LRP2: variants seen among roughly 807,000 people sequenced by gnomAD.
The protein encoded by LRP2 is LDL receptor related protein 2.
In LRP2, 172 loss-of-function variants were observed where a neutral mutation model predicts 531.0. The observed-to-expected ratio is 0.32, with a 90% CI of 0.29 to 0.37. The LOEUF is 0.37. Among genes scored for constraint, LRP2 ranks in the 10% least tolerant of loss-of-function variants. The pLI, the probability that LRP2 is intolerant of heterozygous loss-of-function variation, is 1.00. For missense variants in LRP2, 5,167 were observed against 5,868.3 expected (o/e 0.88, Z 3.90); for synonymous variants, 1,992 against 2,027.6 (o/e 0.98, Z 0.47).
intron 29 of LRP2, among the ~76,000 whole-genome samples, chr2:169,235,400 G>A (rs776127325): frequency 6.6e-6 from 1 of 151,858 alleles, no homozygotes; most frequent in Non-Finnish European, 1.5e-5. Flanking sequence ...CTACCACACT[G>A]GCTAATTTTT....
intron 33 of LRP2, among the ~76,000 whole-genome samples, chr2:169,221,847 A>G (rs1031842088): frequency 1.3e-5 from 2 of 151,764 alleles, no homozygotes; most frequent in Non-Finnish European, 2.9e-5. Context: ...TCCTTTTCCT[A>G]AGACTAAGGA....
intron 1 of LRP2, among the ~76,000 whole-genome samples, chr2:169,361,358 C>A (rs1686150621): frequency 7.8e-6 from 1 of 127,522 alleles, no homozygotes; most frequent in African/African-American, 3.2e-5. Context: ...CTGTCTCTCT[C>A]TCTCTCTCTC....
intron 16 of LRP2, among the ~76,000 whole-genome samples, chr2:169,262,204 T>C (rs1690585845): frequency 6.8e-6 from 1 of 147,670 alleles, no homozygotes. Context: ...ATGCCCTCTC[T>C]CACCACTCCT....
chr2:169,255,865 T>C (rs1006153944), intron 19 of LRP2, among the ~76,000 whole-genome samples: 1 of 152,172 alleles, frequency 6.6e-6, no homozygotes, highest in Admixed American at 6.6e-5. Flanking sequence ...TACAAAGTGC[T>C]GTACCCATAT....
chr2:169,200,885 A>T (rs988729325), intron 44 of LRP2, among the ~76,000 whole-genome samples: 3 of 152,218 alleles, frequency 2.0e-5, no homozygotes, highest in African/African-American at 7.2e-5. Flanking sequence ...TGGGAGCTTC[A>T]TAAGAGATGA....
At chr2:169,215,431 T>C (rs1343094992) in intron 35 of LRP2, among the ~76,000 whole-genome samples, 1 of 152,156 alleles carries the variant, frequency 6.6e-6, no homozygotes, top group Non-Finnish European at 1.5e-5. Context: ...CGAGACTTTA[T>C]AGTTTCTGCT....
intron 31 of LRP2, among the ~76,000 whole-genome samples, chr2:169,228,897 G>A (rs1476276702): frequency 6.6e-6 from 1 of 152,196 alleles, no homozygotes; most frequent in Admixed American, 6.5e-5. Context: ...GCAAAAAGAA[G>A]TGACTTCACA....
At chr2:169,190,187 C>CA (rs1449915327) in intron 48 of LRP2, among the ~76,000 whole-genome samples, 1 of 152,170 alleles carries the variant, frequency 6.6e-6, no homozygotes, top group Non-Finnish European at 1.5e-5. Flanking sequence ...AAAATATAGA[C>CA]AAAGATTTAT....
rs1434079904 is a variant in LRP2, at chr2:169,280,439, C to T, written c.1252G>A (p.Val418Met). The change falls in exon 11 of 79, where the codon GTG becomes ATG. Residue 418 changes from valine to methionine, a missense_variant. Coordinates refer to ENST00000649046, the MANE Select transcript of LRP2 (RefSeq NM_004525.3). ...DIHGRSFRIL[V>M]ESQNRGVAVG... ...GCCACTCCACGATTCTGAGACTCCACTAGGATCCGGAAGCTCCTTCCATGA... is the reference window on the plus strand; with the variant it reads ...GCCACTCCACGATTCTGAGACTCCATTAGGATCCGGAAGCTCCTTCCATGA... 1.2e-6 allele frequency: 2 copies of T among 1,614,200 alleles called. No individual in the cohort carries two copies. Among genetic ancestry groups the T allele is most frequent in the South Asian group, 2.2e-5 (2 of 91,084 alleles).
chr2:169,225,996 G>A (rs186699412), intron 32 of LRP2, among the ~76,000 whole-genome samples: 1 of 152,284 alleles, frequency 6.6e-6, no homozygotes, highest in East Asian at 1.9e-4. Context: ...AATTCCCTTA[G>A]GGAGCTACTA....
At position 169,270,972 on chromosome 2, in the gene LRP2, T is replaced by C; in HGVS notation, c.2252A>G (p.Gln751Arg). 6.2e-7 allele frequency: 1 copy of C among 1,613,340 alleles called. No homozygotes were observed. The highest frequency in any genetic ancestry group is 8.5e-7 in the Non-Finnish European group (1 of 1,179,650). Reference sequence around the variant, plus strand: ...ATCTGAAAAAAAGATAGTGCTGTCCTGGGCGTCAAAATCAATCCCGACAAA... The same window carrying C: ...ATCTGAAAAAAAGATAGTGCTGTCCCGGGCGTCAAAATCAATCCCGACAAA... The part of the protein sequence containing the change: ...SFFVGIDFDA[Q>R]DSTIFFSDMS... Residue 751 changes from glutamine (Q) to arginine (R), a missense_variant, in exon 16 of 79, where the codon CAG (glutamine) becomes CGG (arginine). By Grantham distance (43) the Gln-to-Arg change is conservative (BLOSUM62 1). Around this residue, in one of 6 missense-constraint regions of LRP2, gnomAD observed 2,811 missense variants for 3,058.0 expected, o/e 0.92. Transcript: ENST00000649046.
chr2:169,328,679 T>C (rs1260561891), intron 1 of LRP2, among the ~76,000 whole-genome samples: 1 of 152,094 alleles, frequency 6.6e-6, no homozygotes, highest in Non-Finnish European at 1.5e-5. Context: ...AACTGTATGA[T>C]GTGAGATTTA....
Position 169,298,525 on chromosome 2 carries a change from G to A in LRP2, c.428-3815C>T, listed in dbSNP as rs148399021. ...TGCAGAGTAAGTAACAGGAAGAAGC[G>A]AAAAATTAAAGAAGAAAGAAATTGA... On this transcript the variant is annotated intron_variant, in intron 4 of 78. Coordinates refer to ENST00000649046, the MANE Select transcript of LRP2 (RefSeq NM_004525.3). Among the ~76,000 whole-genome samples the A allele has an allele frequency of 1.4e-3, 219 of 151,810 alleles. 1 individual carries two copies. The highest frequency in any genetic ancestry group is 5.0e-3 in the African/African-American group (206 of 41,366).
chr2:169,264,600 C>A (rs1690718186), intron 16 of LRP2, among the ~76,000 whole-genome samples: 1 of 151,996 alleles, frequency 6.6e-6, no homozygotes, highest in Admixed American at 6.6e-5. Flanking sequence ...GTAATTCCAA[C>A]AAATGTTTGA....
intron 1 of LRP2, among the ~76,000 whole-genome samples, chr2:169,335,399 A>T (rs1685376941): frequency 6.6e-6 from 1 of 152,244 alleles, no homozygotes; most frequent in African/African-American, 2.4e-5. Context: ...GGACATCGTT[A>T]TCTTTCTATC....
At chr2:169,255,168 T>C (rs73035791) in intron 19 of LRP2, among the ~76,000 whole-genome samples, 1,548 of 152,276 alleles carry the variant, frequency 0.01, 22 homozygotes, top group African/African-American at 0.035. Context: ...CACAGGGCTT[T>C]TGGTAGACTT....
chr2:169,325,914 A>G (rs1463625895), intron 1 of LRP2, among the ~76,000 whole-genome samples: 1 of 152,124 alleles, frequency 6.6e-6, no homozygotes, highest in Non-Finnish European at 1.5e-5. Context: ...ACATTTCAAG[A>G]AGTCAAAGAT....
intron 4 of LRP2, among the ~76,000 whole-genome samples, chr2:169,305,955 C>G (rs1684403636): frequency 6.6e-6 from 1 of 151,978 alleles, no homozygotes; most frequent in Non-Finnish European, 1.5e-5. Context: ...ACTGTTTACC[C>G]TAGGTGTGCA....
intron 73 of LRP2, 45 bp from the exon 74 acceptor site, chr2:169,139,416 G>T (rs558627612): frequency 6.2e-7 from 1 of 1,614,052 alleles, no homozygotes; most frequent in South Asian, 1.1e-5. Flanking sequence ...ATGGGAGCCC[G>T]CAATCCTGGC....
Sources: gnomAD v4.1 joint callset for allele counts (sites outside exome capture counted in the v4.1 genomes callset) on GRCh38, gnomAD v4.1.1 for gene constraint, gnomAD v4.1.1 regional missense constraint, MANE v1.5 for transcripts, NCBI Gene and HGNC (gene_info 2026-07-23, HGNC 2026-07-21) for gene names.